Variants in RBMS3 observed in about 807,000 individuals in gnomAD.
RBMS3 encodes RNA binding motif single stranded interacting protein 3.
A neutral mutation model predicts 66.8 loss-of-function variants in RBMS3; 27 were observed. The ratio of observed to expected loss-of-function variants is 0.40; its 90% CI spans 0.30 to 0.56. RBMS3 has a LOEUF of 0.56. Ranked by LOEUF, RBMS3 falls within the 20% of genes least tolerant of loss-of-function variation. The pLI, the probability that RBMS3 is intolerant of heterozygous loss-of-function variation, is 0.40. For synonymous variants in RBMS3, 188 were observed against 183.0 expected (o/e 1.03, Z -0.22); for missense variants, 513 against 549.5 (o/e 0.93, Z 0.66).
chr3:29,595,356 A>C (rs2047906986), intron 4 of RBMS3, among the ~76,000 whole-genome samples: 2 of 149,622 alleles, frequency 1.3e-5, no homozygotes, highest in Admixed American at 1.4e-4. Context: ...CCAAGATCGC[A>C]CCATTGCACT....
intron 1 of RBMS3, among the ~76,000 whole-genome samples, chr3:29,369,541 G>A (rs984758405): frequency 1.3e-4 from 18 of 136,380 alleles, no homozygotes; most frequent in African/African-American, 4.6e-4. Context: ...CACTTTGAGT[G>A]AGGGTGAGGA....
At chr3:29,884,422 T>TTCCC (rs2059810695) in intron 8 of RBMS3, among the ~76,000 whole-genome samples, 2 of 41,842 alleles carry the variant, frequency 4.8e-5, no homozygotes, top group African/African-American at 2.1e-4. Context: ...TTAAACCCTG[T>TTCCC]TCTCTCTCTC....
At chr3:29,825,237 A>G (rs13321375) in intron 6 of RBMS3, among the ~76,000 whole-genome samples, 219 of 152,010 alleles carry the variant, frequency 1.4e-3, no homozygotes, top group African/African-American at 5.0e-3. Flanking sequence ...GGGTTTCACC[A>G]TGTTGGCCAG....
At chr3:29,583,742 T>G (rs1028140139) in intron 3 of RBMS3, among the ~76,000 whole-genome samples, 5 of 152,150 alleles carry the variant, frequency 3.3e-5, no homozygotes, top group Admixed American at 3.3e-4. Context: ...TTTAATCTAT[T>G]TTCTGCTTGA....
At chr3:29,586,156 A>G (rs1485485063) in intron 3 of RBMS3, among the ~76,000 whole-genome samples, 2 of 152,074 alleles carry the variant, frequency 1.3e-5, no homozygotes, top group African/African-American at 2.4e-5. Context: ...TAGGATACAT[A>G]TGGTGAGCTT....
chr3:29,471,000 T>A (rs926429981), intron 2 of RBMS3, among the ~76,000 whole-genome samples: 1 of 152,152 alleles, frequency 6.6e-6, no homozygotes, highest in African/African-American at 2.4e-5. Flanking sequence ...CTAATAGATA[T>A]TTATATTAAA....
intron 1 of RBMS3, among the ~76,000 whole-genome samples, chr3:29,357,321 A>T (rs1298178678): frequency 2.0e-5 from 3 of 152,034 alleles, no homozygotes; most frequent in Admixed American, 6.6e-5. Flanking sequence ...TCCTTGTGAT[A>T]GTTTGCTGAG....
chr3:29,879,206 A>G (rs2059681851), intron 7 of RBMS3, among the ~76,000 whole-genome samples: 1 of 152,184 alleles, frequency 6.6e-6, no homozygotes, highest in African/African-American at 2.4e-5. Context: ...CATATTGTAC[A>G]CATAATTTTG....
At chr3:29,751,404 C>T (rs1357998363) in intron 5 of RBMS3, among the ~76,000 whole-genome samples, 1 of 152,102 alleles carries the variant, frequency 6.6e-6, no homozygotes, top group Non-Finnish European at 1.5e-5. Flanking sequence ...TGAGAAAACC[C>T]TGTGGCAACA....
intron 1 of RBMS3, among the ~76,000 whole-genome samples, chr3:29,362,349 G>A (rs1400830341): frequency 6.6e-6 from 1 of 152,206 alleles, no homozygotes; most frequent in Non-Finnish European, 1.5e-5. Context: ...AGCAGTGGAA[G>A]CTGCAGAACA....
At chr3:29,554,409 A>G (rs1353630822) in intron 3 of RBMS3, among the ~76,000 whole-genome samples, 1 of 152,236 alleles carries the variant, frequency 6.6e-6, no homozygotes. Flanking sequence ...GTAACAGTCA[A>G]TGCTGGCTCA....
rs1463006172 is a variant in RBMS3, at chr3:29,467,176, C to T, written c.249-21265C>T. On this transcript the variant is annotated intron_variant, in intron 2 of 14. Coordinates refer to ENST00000383767, the MANE Select transcript of RBMS3 (RefSeq NM_001003793.3). ...GCCTTTTGCTTAAATTTTGGCATAC[C>T]ATGAAATGTCTTTCTGTATTAGCTA... 3.3e-5 allele frequency among the ~76,000 whole-genome samples: 5 copies of T among 152,086 alleles called. No individual in the cohort carries two copies. The East Asian group carries it at 9.7e-4, about 29-fold the overall frequency.
At chr3:29,754,168 G>C (rs897345529) in intron 5 of RBMS3, among the ~76,000 whole-genome samples, 4 of 151,918 alleles carry the variant, frequency 2.6e-5, no homozygotes, top group African/African-American at 7.2e-5. Flanking sequence ...TGGCCAGGCT[G>C]GTCCGAACTC....
chr3:29,773,542 C>T (rs905608351), intron 6 of RBMS3, among the ~76,000 whole-genome samples: 2 of 152,012 alleles, frequency 1.3e-5, no homozygotes, highest in Admixed American at 6.6e-5. Context: ...CTAGTTGACC[C>T]GCTGAGATGC....
intron 2 of RBMS3, among the ~76,000 whole-genome samples, chr3:29,450,936 C>A (rs771864597): frequency 0.019 from 2,646 of 139,790 alleles, 43 homozygotes; most frequent in Middle Eastern, 0.041. Flanking sequence ...CACACACCCC[C>A]CACACACACA....
At chr3:29,678,665 T>C (rs762878137) in intron 4 of RBMS3, among the ~76,000 whole-genome samples, 11 of 152,102 alleles carry the variant, frequency 7.2e-5, no homozygotes, top group Non-Finnish European at 1.2e-4. Flanking sequence ...ACAAAAAATA[T>C]TTTGTCACCC....
chr3:29,460,901 A>C, intron 2 of RBMS3, among the ~76,000 whole-genome samples: 1 of 152,140 alleles, frequency 6.6e-6, no homozygotes, highest in East Asian at 1.9e-4. Flanking sequence ...AGTATGACCC[A>C]TCTTAGTTTT....
intron 4 of RBMS3, among the ~76,000 whole-genome samples, chr3:29,711,010 AT>A: frequency 6.6e-6 from 1 of 151,952 alleles, no homozygotes; most frequent in South Asian, 2.1e-4. Flanking sequence ...CTCCCCCCTT[AT>A]TTGCACAGGA....
At chr3:29,495,267 A>C (rs2043699364) in intron 3 of RBMS3, among the ~76,000 whole-genome samples, 2 of 152,164 alleles carry the variant, frequency 1.3e-5, no homozygotes, top group South Asian at 4.1e-4. Context: ...CTAAACTCAC[A>C]ATCATGTTAT....
Sources: allele counts gnomAD v4.1 joint callset (sites outside exome capture counted in the v4.1 genomes callset), GRCh38; gene constraint gnomAD v4.1.1; transcripts MANE v1.5; gene names NCBI Gene and HGNC (gene_info 2026-07-23, HGNC 2026-07-21).